The following ANXA11 variants were observed in gnomAD, a reference collection of about 807,000 sequenced individuals.
The protein encoded by ANXA11 is 56 kDa autoantigen.
Under a neutral mutation model 64.7 loss-of-function variants are expected in ANXA11, and 57 were observed. The ratio of observed to expected loss-of-function variants is 0.88; its 90% CI spans 0.71 to 1.10. The LOEUF is 1.10. Among genes scored for constraint, ANXA11 ranks in the 50% least tolerant of loss-of-function variants. ANXA11 has a pLI of 0.00. For missense variants in ANXA11, 675 were observed against 670.7 expected, an observed-to-expected ratio of 1.01 and a Z score of -0.07; for synonymous variants, 260 against 265.2, an observed-to-expected ratio of 0.98 and a Z score of 0.19.
intron 1 of ANXA11, among the ~76,000 whole-genome samples, chr10:80,191,951 T>C (rs1028373211): frequency 6.6e-6 from 1 of 152,120 alleles, no homozygotes; most frequent in African/African-American, 2.4e-5. Flanking sequence ...GCCAAGGTGA[T>C]ACAGCAAGAC....
Position 80,159,128 on chromosome 10 carries a change from C to T in ANXA11, c.1248G>A (p.Gly416=), listed in dbSNP as rs763033566. 2.5e-6 allele frequency: 4 copies of T among 1,614,118 alleles called. No individual in the cohort carries two copies. The South Asian group carries it at 3.3e-5, about 13-fold the overall frequency. ...IEKSICREMS[G]DLEEGMLAVV... Reference sequence around the variant, plus strand: ...CGGCCAGCATGCCCTCCTCCAGGTCCCCGGACATCTCCCGGCAGATGCTCT... The same window carrying T: ...CGGCCAGCATGCCCTCCTCCAGGTCTCCGGACATCTCCCGGCAGATGCTCT... The change falls in exon 13 of 16, where the codon GGG becomes GGA. Residue 416 remains glycine, a synonymous_variant. Coordinates refer to ENST00000422982, the MANE Select transcript of ANXA11 (RefSeq NM_145868.2).
chr10:80,175,509 C>T (rs2132435685), intron 2 of ANXA11, among the ~76,000 whole-genome samples: 2 of 151,948 alleles, frequency 1.3e-5, no homozygotes, highest in Admixed American at 1.3e-4. Context: ...TAAATTCCAG[C>T]CAGGCCAAAT....
At chr10:80,165,062 A>G (rs901423014) in intron 8 of ANXA11, among the ~76,000 whole-genome samples, 25 of 152,226 alleles carry the variant, frequency 1.6e-4, no homozygotes, top group African/African-American at 5.8e-4. Flanking sequence ...CACAACCACC[A>G]GCTCATGACT....
intron 3 of ANXA11, among the ~76,000 whole-genome samples, chr10:80,172,298 C>A (rs1309719957): frequency 1.3e-5 from 2 of 152,172 alleles, no homozygotes. Flanking sequence ...TTAGCATCTG[C>A]CTCCACTTCC....
At chr10:80,204,183 G>A (rs568595272) in intron 1 of ANXA11, among the ~76,000 whole-genome samples, 1 of 152,342 alleles carries the variant, frequency 6.6e-6, no homozygotes, top group South Asian at 2.1e-4. Flanking sequence ...AGGTATGCAG[G>A]AGCCTGAAGT....
intron 1 of ANXA11, among the ~76,000 whole-genome samples, chr10:80,192,454 A>G (rs945238321): frequency 1.3e-5 from 2 of 152,264 alleles, no homozygotes; most frequent in Non-Finnish European, 2.9e-5. Context: ...AATATAATCA[A>G]TAATATCCTC....
chr10:80,190,652 G>GT lies in ANXA11; in HGVS notation c.-57-14498dup, dbSNP rs927584632. 2.6e-4 allele frequency among the ~76,000 whole-genome samples: 40 copies of GT among 151,210 alleles called. 2 individuals are homozygous for GT. The highest frequency in any genetic ancestry group is 8.9e-4 in the African/African-American group (37 of 41,424). ...AGGCGCCCGCCACCGCGCCCAGCTA[G>GT]TTTTTTGTATTTTTAGTAGAGACAG... On this transcript the variant is annotated intron_variant, in intron 1 of 15. Transcript: ENST00000422982.
chr10:80,151,048 A>G lies in ANXA11; in HGVS notation c.*4805T>C, dbSNP rs1271081522. ...TTTCCTATTCCATTTCGTTGACCAC[A>G]TTAAAGTTTTAGAAGCTCTCCTCTA... On this transcript the variant is annotated 3_prime_UTR_variant, in exon 16 of 16. Transcript: ENST00000422982. 6.6e-6 allele frequency: 1 copy of G among 152,164 alleles called. No homozygotes were observed. The highest frequency in any genetic ancestry group is 2.4e-5 in the African/African-American group (1 of 41,434). 9.4% of individuals were successfully genotyped at this position (152,164 alleles called of 1,614,324 possible). A position where few individuals can be genotyped will look rare whatever the true frequency, so the allele number is the denominator to read the frequency against.
rs1840637804 is a variant in ANXA11, at chr10:80,205,498, C to CA, written c.-214_-213insT. Reference sequence around the variant, plus strand: ...GCGGGGCACTCGGGGCACTGGGGAGCCGCGGGCGCAGCAGCCGTCAGCGCC... The same window carrying CA: ...GCGGGGCACTCGGGGCACTGGGGAGCACGCGGGCGCAGCAGCCGTCAGCGCC... On this transcript the variant is annotated 5_prime_UTR_variant, in exon 1 of 16. Coordinates refer to ENST00000422982, the MANE Select transcript of ANXA11 (RefSeq NM_145868.2). 1 of 152,026 alleles carries CA rather than the reference C, an allele frequency of 6.6e-6. No individual in the cohort carries two copies. Among genetic ancestry groups the CA allele is most frequent in the African/African-American group, 2.4e-5 (1 of 41,406 alleles). 9.4% of individuals were successfully genotyped at this position (152,026 alleles called of 1,614,324 possible).
chr10:80,171,210 T>C, intron 3 of ANXA11: 1 of 1,256,444 alleles, frequency 8.0e-7, no homozygotes, highest in South Asian at 1.8e-5. Context: ...GGCTCTGCCC[T>C]CCCAAGTTCA....
intron 1 of ANXA11, among the ~76,000 whole-genome samples, chr10:80,194,524 C>A (rs1564626224): frequency 6.6e-6 from 1 of 151,636 alleles, no homozygotes; most frequent in African/African-American, 2.4e-5. Flanking sequence ...TAGGAAGAGT[C>A]GGGGGGGGAA....
At chr10:80,155,944 A>G (rs1187745788) in intron 15 of ANXA11, 32 bp from the exon 16 acceptor site, 1 of 1,603,004 alleles carries the variant, frequency 6.2e-7, no homozygotes, top group Non-Finnish European at 8.5e-7. Context: ...ACATCCGTTA[A>G]GGGAGGGACA....
chr10:80,164,136 C>T lies in ANXA11; in HGVS notation c.866G>A (p.Gly289Asp). ...YEIKEAIKGVGTDEACLIEIL... is the reference protein window; with the variant it reads ...YEIKEAIKGVDTDEACLIEIL... ...CTCAATCAGGCAGGCTTCATCAGTG[C>T]CAACCCCCTGCAGGGGCAGAGAATA... The change falls in exon 9 of 16, where the codon GGC (glycine) becomes GAC (aspartate). Residue 289 changes from glycine (G) to aspartate (D), a missense_variant. Coordinates refer to ENST00000422982, the MANE Select transcript of ANXA11 (RefSeq NM_145868.2). 2 of 1,613,730 alleles carry T rather than the reference C, an allele frequency of 1.2e-6. No individual in the cohort carries two copies. Among genetic ancestry groups the T allele is most frequent in the Non-Finnish European group, 8.5e-7 (1 of 1,179,692 alleles).
intron 2 of ANXA11, among the ~76,000 whole-genome samples, chr10:80,175,013 G>T (rs1846118779): frequency 6.6e-6 from 1 of 152,198 alleles, no homozygotes; most frequent in Admixed American, 6.5e-5. Flanking sequence ...GGAGAAAGCT[G>T]GAATTGGCTC....
intron 1 of ANXA11, among the ~76,000 whole-genome samples, chr10:80,176,413 C>T (rs970839606): frequency 3.3e-5 from 5 of 152,002 alleles, no homozygotes; most frequent in Admixed American, 6.6e-5. Context: ...TGAGTGTAGA[C>T]GTGCACGGAC....
intron 1 of ANXA11, among the ~76,000 whole-genome samples, chr10:80,202,131 T>G (rs1840453316): frequency 6.8e-6 from 1 of 146,128 alleles, no homozygotes; most frequent in Non-Finnish European, 1.5e-5. Flanking sequence ...CAAACCCCTT[T>G]GCAAACATCT....
chr10:80,157,194 T>C (rs1407192074), intron 15 of ANXA11: 11 of 984,418 alleles, frequency 1.1e-5, no homozygotes, highest in Non-Finnish European at 1.3e-5. Context: ...GTAGAAAAGC[T>C]GGACTCCAAG....
At chr10:80,171,331 T>C (rs1845968924) in intron 3 of ANXA11, 1 of 878,334 alleles carries the variant, frequency 1.1e-6, no homozygotes, top group Non-Finnish European at 1.4e-6. Context: ...GCGAAGGCAC[T>C]GGCGGGAGGG....
intron 11 of ANXA11, among the ~76,000 whole-genome samples, chr10:80,162,822 C>T (rs896563646): frequency 3.3e-5 from 5 of 152,182 alleles, no homozygotes; most frequent in African/African-American, 7.2e-5. Context: ...CATAATACTA[C>T]GGTTGAAATT....
Sources: allele counts gnomAD v4.1 joint callset (sites outside exome capture counted in the v4.1 genomes callset), GRCh38; gene constraint gnomAD v4.1.1; transcripts MANE v1.5; gene names NCBI Gene and HGNC (gene_info 2026-07-23, HGNC 2026-07-21).